The following KIFAP3 variants were observed in gnomAD, a reference collection of about 807,000 sequenced individuals.
KIFAP3 encodes the protein kinesin-associated protein 3.
In KIFAP3, 68 loss-of-function variants were observed where a neutral mutation model predicts 106.5. The observed-to-expected ratio is 0.64, with a 90% confidence interval of 0.53 to 0.78. The LOEUF is 0.78. KIFAP3 is among the 30% of genes least tolerant of loss of function. The pLI, the probability that KIFAP3 is intolerant of heterozygous loss-of-function variation, is 0.00. For synonymous variants in KIFAP3, 320 were observed against 311.5 expected (o/e 1.03, Z -0.29); for missense variants, 780 against 941.8 (o/e 0.83, Z 2.25).
At chr1:169,940,388 G>A (rs570339420) in intron 19 of KIFAP3, among the ~76,000 whole-genome samples, 1 of 152,100 alleles carries the variant, frequency 6.6e-6, no homozygotes, top group Non-Finnish European at 1.5e-5. Context: ...ATCTCATATT[G>A]TACATAGATC....
rs942848587 is a variant in KIFAP3, at chr1:170,081,353, C to A, written n.174+3682G>T. On this transcript the variant is annotated intron_variant and non_coding_transcript_variant, in intron 1 of 5. Transcript: ENST00000490550. ...CCACAGTGAAATACACTATTATACACCTATATTAGTTTTCTATTGCTGCAG... is the reference window on the plus strand; with the variant it reads ...CCACAGTGAAATACACTATTATACAACTATATTAGTTTTCTATTGCTGCAG... Among the ~76,000 whole-genome samples the A allele has an allele frequency of 2.0e-5, 3 of 152,280 alleles. No individual in the cohort carries two copies. In the South Asian group the frequency reaches 6.2e-4, roughly 32 times the overall value.
At chr1:169,971,365 C>T (rs1665910327) in intron 17 of KIFAP3, among the ~76,000 whole-genome samples, 1 of 151,984 alleles carries the variant, frequency 6.6e-6, no homozygotes, top group African/African-American at 2.4e-5. Flanking sequence ...TGAAATTATT[C>T]TCTAGGCACA....
chr1:169,970,313 C>T (rs1665845919), intron 17 of KIFAP3, among the ~76,000 whole-genome samples: 1 of 152,036 alleles, frequency 6.6e-6, no homozygotes, highest in Non-Finnish European at 1.5e-5. Flanking sequence ...ATCATGTAAA[C>T]AAGTGATGTA....
chr1:170,068,064 A>G (rs1219066259), intron 1 of KIFAP3: 1 of 152,206 alleles, frequency 6.6e-6, no homozygotes, highest in Non-Finnish European at 1.5e-5. Flanking sequence ...CCAAACACTG[A>G]GTCAACCTAC....
chr1:169,932,973 C>T (rs958417386), intron 19 of KIFAP3, among the ~76,000 whole-genome samples: 1 of 151,814 alleles, frequency 6.6e-6, no homozygotes, highest in African/African-American at 2.4e-5. Context: ...TGATAAAAAT[C>T]GAGCAATGAC....
chr1:170,068,525 G>C (rs2102169298), intron 1 of KIFAP3: 1 of 151,332 alleles, frequency 6.6e-6, no homozygotes, highest in Non-Finnish European at 1.5e-5. Flanking sequence ...TCCATTTTGA[G>C]GCACAGAAAG....
rs916851783 is a variant in KIFAP3 at position 170,008,713 on chromosome 1, G to A, written c.1183+7749C>T. On this transcript the variant is annotated intron_variant, in intron 10 of 19. Coordinates refer to ENST00000361580, the MANE Select transcript of KIFAP3 (RefSeq NM_014970.4). ...CAACCATTGTGGAAGACAGTGTGGC[G>A]ATTCCTCAAAGATCCAGAACCAGAA... Among the ~76,000 whole-genome samples the A allele has an allele frequency of 5.3e-5, 8 of 152,210 alleles. No homozygotes were observed. In the East Asian group the frequency reaches 9.6e-4, roughly 18 times the overall value.
At chr1:169,943,334 A>C (rs926118832) in intron 19 of KIFAP3, among the ~76,000 whole-genome samples, 25 of 152,172 alleles carry the variant, frequency 1.6e-4, no homozygotes, top group African/African-American at 6.0e-4. Flanking sequence ...TTTCTAATAT[A>C]AGAAATCTAA....
chr1:169,964,441 A>G (rs980788478), intron 17 of KIFAP3, among the ~76,000 whole-genome samples: 1 of 152,184 alleles, frequency 6.6e-6, no homozygotes, highest in Non-Finnish European at 1.5e-5. Context: ...TTCCTGCAGA[A>G]TGGATTCTTT....
chr1:170,055,348 T>C lies in KIFAP3; in HGVS notation c.121A>G (p.Met41Val). The change falls in exon 2 of 20, where the codon ATG (methionine) becomes GTG (valine). Residue 41 changes from methionine to valine, a missense_variant. Met to Val is a conservative substitution (Grantham distance 21, BLOSUM62 1). Coordinates refer to ENST00000361580, the MANE Select transcript of KIFAP3 (RefSeq NM_014970.4). ...YEVEATILGE[M>V]GDPMLGERKE... ...CGTTCTCCCAACATGGGGTCCCCCA[T>C]TTCTCCAAGAATGGTAGCTTCCACT... 6.2e-7 allele frequency: 1 copy of C among 1,611,222 alleles called. No individual in the cohort carries two copies. The highest frequency in any genetic ancestry group is 8.5e-7 in the Non-Finnish European group (1 of 1,179,154).
At chr1:170,070,299 C>G (rs1226496664) in intron 1 of KIFAP3, among the ~76,000 whole-genome samples, 1 of 151,902 alleles carries the variant, frequency 6.6e-6, no homozygotes, top group Non-Finnish European at 1.5e-5. Flanking sequence ...AAAAAGCCAA[C>G]CCTAAAATTC....
chr1:170,083,811 T>A (rs576205368), intron 1 of KIFAP3, among the ~76,000 whole-genome samples: 45 of 152,238 alleles, frequency 3.0e-4, no homozygotes, highest in African/African-American at 1.0e-3. Context: ...TTTAGAAAAA[T>A]TGGGGGAAAT....
At chr1:170,018,772 A>G (rs1668656177) in intron 9 of KIFAP3, among the ~76,000 whole-genome samples, 1 of 152,080 alleles carries the variant, frequency 6.6e-6, no homozygotes, top group Non-Finnish European at 1.5e-5. Flanking sequence ...CTTTCACTCT[A>G]TGCAAGGAAT....
chr1:169,990,311 T>C lies in KIFAP3; in HGVS notation c.1284+1844A>G, dbSNP rs566640946. Reference sequence around the variant, plus strand: ...TCAGCAAGCCCATGTCTGTTGGTTGTACAGAAGGTAAATATCTTTTAGTGT... The same window carrying C: ...TCAGCAAGCCCATGTCTGTTGGTTGCACAGAAGGTAAATATCTTTTAGTGT... On this transcript the variant is annotated intron_variant, in intron 11 of 19. Transcript: ENST00000361580. 8.6e-6 allele frequency: 3 copies of C among 348,436 alleles called. No homozygotes were observed. In the South Asian group the frequency reaches 9.3e-5, roughly 11 times the overall value. The allele number at this position is 348,436 out of a possible 1,614,324, so 21.6% of individuals were successfully genotyped here. A position where few individuals can be genotyped will look rare whatever the true frequency, so the allele number is the denominator to read the frequency against.
intron 2 of KIFAP3, among the ~76,000 whole-genome samples, chr1:170,047,082 CT>C (rs1195127677): frequency 1.3e-5 from 2 of 152,032 alleles, no homozygotes; most frequent in Non-Finnish European, 2.9e-5. Context: ...AACATAAAAT[CT>C]TTTTCAGACT....
At chr1:169,929,487 T>C (rs1337907777) in intron 19 of KIFAP3, among the ~76,000 whole-genome samples, 1 of 152,126 alleles carries the variant, frequency 6.6e-6, no homozygotes, top group Non-Finnish European at 1.5e-5. Flanking sequence ...TAAATCTATA[T>C]GTAATAAATA....
intron 9 of KIFAP3, among the ~76,000 whole-genome samples, chr1:170,017,884 A>C (rs1000090841): frequency 6.6e-6 from 1 of 152,190 alleles, no homozygotes; most frequent in African/African-American, 2.4e-5. Flanking sequence ...GAAGGCAAAA[A>C]ATTATTTTAA....
intron 19 of KIFAP3, among the ~76,000 whole-genome samples, chr1:169,941,701 CT>C (rs943290146): frequency 2.6e-5 from 4 of 152,032 alleles, no homozygotes; most frequent in East Asian, 1.9e-4. Flanking sequence ...AGATGGCCCC[CT>C]GAGGGTGAAT....
At chr1:170,082,319 G>T (rs1672032475) in intron 1 of KIFAP3, among the ~76,000 whole-genome samples, 2 of 152,012 alleles carry the variant, frequency 1.3e-5, no homozygotes, top group African/African-American at 4.8e-5. Context: ...TATGACGAAA[G>T]AACCATATGG....
Sources: gnomAD v4.1 joint callset for allele counts (sites outside exome capture counted in the v4.1 genomes callset) on GRCh38, gnomAD v4.1.1 for gene constraint, MANE v1.5 for transcripts, NCBI Gene and HGNC (gene_info 2026-07-23, HGNC 2026-07-21) for gene names.